The following ELAPOR2 variants were observed in gnomAD, a reference collection of about 807,000 sequenced individuals.
ELAPOR2 encodes the protein endosome/lysosome-associated apoptosis and autophagy regulator family member 2.
A neutral mutation model predicts 120.7 loss-of-function variants in ELAPOR2; 89 were observed. The ratio of observed to expected loss-of-function variants is 0.74; its 90% CI spans 0.62 to 0.88. The LOEUF (loss-of-function observed/expected upper bound fraction) is 0.88, where lower values mean the gene tolerates loss of function less well. ELAPOR2 is among the 40% of genes least tolerant of loss of function. The pLI is 0.00. For synonymous variants in ELAPOR2, 444 were observed against 444.9 expected, an observed-to-expected ratio of 1.00 and a Z score of 0.03; for missense variants, 1,134 against 1,251.6, an observed-to-expected ratio of 0.91 and a Z score of 1.42.
chr7:87,040,028 G>A (rs907931612), intron 1 of ELAPOR2, among the ~76,000 whole-genome samples: 6 of 152,206 alleles, frequency 3.9e-5, no homozygotes, highest in African/African-American at 9.7e-5. Context: ...CTGGAAAATC[G>A]GGTCACTCCC....
chr7:87,057,093 C>T (rs748675784), intron 1 of ELAPOR2, among the ~76,000 whole-genome samples: 6 of 152,124 alleles, frequency 3.9e-5, no homozygotes, highest in East Asian at 1.9e-4. Flanking sequence ...AAATGATAAA[C>T]GAGCAGGAGT....
At chr7:87,009,678 G>T (rs1454853853) in intron 1 of ELAPOR2, among the ~76,000 whole-genome samples, 1 of 152,170 alleles carries the variant, frequency 6.6e-6, no homozygotes, top group East Asian at 1.9e-4. Flanking sequence ...AGCAGAAGAA[G>T]ACTGGTGTTT....
chr7:87,004,811 C>G (rs904536829), intron 1 of ELAPOR2, among the ~76,000 whole-genome samples: 18 of 152,112 alleles, frequency 1.2e-4, no homozygotes, highest in African/African-American at 4.1e-4. Context: ...AGAGAAAGAA[C>G]AGAGAAAAAT....
intron 20 of ELAPOR2, among the ~76,000 whole-genome samples, chr7:86,892,131 A>T (rs1788196156): frequency 6.6e-6 from 1 of 152,044 alleles, no homozygotes; most frequent in African/African-American, 2.4e-5. Context: ...ACCACTTTAC[A>T]TTGAATTGTC....
At chr7:87,059,262 T>TCAGCCTTCATCTTCCGCGCC in intron 1 of ELAPOR2, 63 bp downstream of exon 1, 1 of 1,241,906 alleles carries the variant, frequency 8.1e-7, no homozygotes, top group Non-Finnish European at 1.0e-6. Flanking sequence ...GGAACCGCTC[T>TCAGCCTTCATCTTCCGCGCC]CAGCCTTCAT....
intron 8 of ELAPOR2, among the ~76,000 whole-genome samples, chr7:86,937,570 T>C (rs1162380860): frequency 1.3e-5 from 2 of 152,132 alleles, no homozygotes; most frequent in East Asian, 3.9e-4. Flanking sequence ...ATATGGTACT[T>C]ACTTGCATTT....
At chr7:86,889,787 T>C (rs1436817018) in intron 21 of ELAPOR2, among the ~76,000 whole-genome samples, 1 of 151,984 alleles carries the variant, frequency 6.6e-6, no homozygotes, top group Non-Finnish European at 1.5e-5. Flanking sequence ...ATTTTGAAAA[T>C]TTCCTTGTCC....
rs547857261 is a variant in ELAPOR2, at chr7:86,929,983, G to A, written c.1090-3067C>T. On this transcript the variant is annotated intron_variant, in intron 8 of 21. Coordinates refer to ENST00000450689, the MANE Select transcript of ELAPOR2 (RefSeq NM_001142749.3). ...CGTTTCCTGTACAGCCTACAGAATC[G>A]TGAGCCAATTAAACTTCTTTCATTT... Among the ~76,000 whole-genome samples the A allele has an allele frequency of 1.4e-4, 21 of 151,950 alleles. 1 individual carries two copies. The South Asian group carries it at 1.7e-3, about 12-fold the overall frequency.
intron 1 of ELAPOR2, among the ~76,000 whole-genome samples, chr7:86,984,486 T>C (rs1009277020): frequency 6.6e-6 from 1 of 152,166 alleles, no homozygotes; most frequent in Non-Finnish European, 1.5e-5. Context: ...ACATACTGTC[T>C]CCCAGACCAC....
intron 21 of ELAPOR2, among the ~76,000 whole-genome samples, chr7:86,882,210 C>G (rs1004663586): frequency 1.3e-5 from 2 of 152,136 alleles, no homozygotes; most frequent in Non-Finnish European, 2.9e-5. Flanking sequence ...TTGTTAAGCA[C>G]CGTCTCTGTT....
chr7:86,925,446 G>C (rs1790021669), intron 10 of ELAPOR2, 82 bp downstream of exon 10: 3 of 1,420,546 alleles, frequency 2.1e-6, no homozygotes, highest in Admixed American at 1.7e-5. Flanking sequence ...ACCCATACTT[G>C]GTATGTTTTA....
At chr7:86,905,238 C>T (rs556541277) in intron 18 of ELAPOR2, among the ~76,000 whole-genome samples, 2 of 147,390 alleles carry the variant, frequency 1.4e-5, no homozygotes, top group South Asian at 4.3e-4. Context: ...AAGAAGTCCT[C>T]TTAAAAAATA....
At chr7:86,950,458 C>G (rs1477664838) in intron 2 of ELAPOR2, among the ~76,000 whole-genome samples, 3 of 152,188 alleles carry the variant, frequency 2.0e-5, no homozygotes, top group Non-Finnish European at 2.9e-5. Context: ...CTTTGGGGCT[C>G]TGTAGTTCCT....
chr7:86,923,642 G>A (rs1789928536), intron 10 of ELAPOR2, among the ~76,000 whole-genome samples: 1 of 151,934 alleles, frequency 6.6e-6, no homozygotes. Context: ...TTTTTGGCTT[G>A]GAGAATAGGA....
chr7:87,001,390 C>T (rs1219927551), intron 1 of ELAPOR2, among the ~76,000 whole-genome samples: 3 of 152,262 alleles, frequency 2.0e-5, no homozygotes, highest in East Asian at 3.9e-4. Context: ...AATGTCTAAA[C>T]GTGCAAGCTC....
At chr7:86,988,807 T>C (rs1282416168) in intron 1 of ELAPOR2, among the ~76,000 whole-genome samples, 5 of 152,204 alleles carry the variant, frequency 3.3e-5, no homozygotes, top group Admixed American at 6.5e-5. Flanking sequence ...CTAAATCTCA[T>C]AGAACCGATC....
chr7:86,914,700 A>T lies in ELAPOR2; in HGVS notation c.1731+23T>A, dbSNP rs76700134. 12,492 of 1,575,054 alleles carry T rather than the reference A, an allele frequency of 7.9e-3. 708 individuals carry two copies. The African/African-American group carries it at 0.13, about 17-fold the overall frequency. On this transcript the variant is annotated intron_variant, in intron 13 of 21. Transcript: ENST00000450689. The stretch of plus-strand genomic sequence containing the variant: ...GCATCATTAGTGTGTTTAAAATTTT[A>T]AAAAAAAGTGCTTGGAACTTACATC...
At chr7:86,913,917 GA>G (rs1277940411) in intron 13 of ELAPOR2, among the ~76,000 whole-genome samples, 2 of 152,176 alleles carry the variant, frequency 1.3e-5, no homozygotes, top group Non-Finnish European at 2.9e-5. Flanking sequence ...CTGGGACAAA[GA>G]TAAATGGAAG....
intron 14 of ELAPOR2, 29 bp downstream of exon 14, chr7:86,912,911 TG>T: frequency 6.8e-6 from 11 of 1,607,464 alleles, no homozygotes; most frequent in Non-Finnish European, 9.4e-6. Context: ...TGTGCTTTCA[TG>T]GGGATACCTG....
Sources: gnomAD v4.1 joint callset for allele counts (sites outside exome capture counted in the v4.1 genomes callset) on GRCh38, gnomAD v4.1.1 for gene constraint, MANE v1.5 for transcripts, NCBI Gene and HGNC (gene_info 2026-07-23, HGNC 2026-07-21) for gene names.